PPP1R13L: variants seen among roughly 807,000 people sequenced by gnomAD.
The protein encoded by PPP1R13L is protein phosphatase 1 regulatory subunit 13 like, also known as relA-associated inhibitor.
A neutral mutation model predicts 80.9 loss-of-function variants in PPP1R13L; 50 were observed. That is an observed-to-expected ratio of 0.62 (90% CI 0.49 to 0.78). The LOEUF is 0.78. Ranked by LOEUF, PPP1R13L falls within the 30% of genes least tolerant of loss-of-function variation. The probability of loss-of-function intolerance (pLI) is 0.00; values close to 1 mark genes in which losing one functional copy is unlikely to be tolerated. For synonymous variants in PPP1R13L, 602 were observed against 534.3 expected (o/e 1.13, Z -1.75); for missense variants, 1,200 against 1,205.9 (o/e 1.00, Z 0.07).
chr19:45,385,785 C>T, intron 10 of PPP1R13L, 39 bp downstream of exon 10: 21 of 1,608,808 alleles, frequency 1.3e-5, no homozygotes, highest in Non-Finnish European at 1.8e-5. Context: ...GCGCGTCCGC[C>T]CACGGGGGAC....
At chr19:45,398,459 CCTTTA>C (rs1647787250) in intron 1 of PPP1R13L, 120 bp from the exon 2 acceptor site, 1 of 966,996 alleles carries the variant, frequency 1.0e-6, no homozygotes, top group South Asian at 1.6e-5. Context: ...CCCTGGAAGC[CCTTTA>C]CCCTTTCACC....
At chr19:45,392,684 T>C (rs939177666) in intron 7 of PPP1R13L, 4 of 398,164 alleles carry the variant, frequency 1.0e-5, no homozygotes, top group Non-Finnish European at 1.9e-5. Context: ...CAGTTGGGAC[T>C]TGAACTCAGT....
chr19:45,396,277 T>G lies in PPP1R13L; in HGVS notation c.812-18A>C. ...GTCCAGGCCTGCGGGGCGGGAATCA[T>G]TAGGGTCTGTGGGGCTGCCTCTCCT... On this transcript the variant is annotated intron_variant, in intron 5 of 12. Coordinates refer to ENST00000360957, the MANE Select transcript of PPP1R13L (RefSeq NM_006663.4). This position sits in a 1 kb window ranked among gnomAD's most constrained non-coding sequence, Gnocchi z 5.3. The G allele has an allele frequency of 6.2e-7, 1 of 1,613,102 alleles. No individual in the cohort carries two copies. Among genetic ancestry groups the G allele is most frequent in the Non-Finnish European group, 8.5e-7 (1 of 1,179,880 alleles).
intron 12 of PPP1R13L, among the ~76,000 whole-genome samples, chr19:45,382,124 A>G (rs1972773583): frequency 1.3e-5 from 2 of 151,526 alleles, no homozygotes; most frequent in African/African-American, 4.9e-5. Context: ...GGCGCCTGTA[A>G]TCCCAGGCAG....
At chr19:45,383,454 C>T (rs1972807388) in intron 11 of PPP1R13L, among the ~76,000 whole-genome samples, 1 of 151,776 alleles carries the variant, frequency 6.6e-6, no homozygotes, top group African/African-American at 2.4e-5. Context: ...GCCACCATGC[C>T]TGGCCAATTT....
Position 45,382,619 on chromosome 19 carries a change from T to C in PPP1R13L, c.2356A>G (p.Thr786Ala). 1 of 1,613,736 alleles carries C rather than the reference T, an allele frequency of 6.2e-7. No individual in the cohort carries two copies. The highest frequency in any genetic ancestry group is 8.5e-7 in the Non-Finnish European group (1 of 1,180,024). The stretch of plus-strand genomic sequence containing the variant: ...TCCGGCCCGTCCCTCCGCAGCACGG[T>C]GACCGACTCGCCCTCGCGGAAGGAC... ...ELSFREGESV[T>A]VLRRDGPEET... The change falls in exon 12 of 13, where the codon ACC becomes GCC. Residue 786 changes from threonine to alanine, a missense_variant. Around this residue, in one of 5 missense-constraint regions of PPP1R13L, gnomAD observed 165 missense variants for 177.1 expected, o/e 0.93. Coordinates refer to ENST00000360957, the MANE Select transcript of PPP1R13L (RefSeq NM_006663.4).
intron 8 of PPP1R13L, among the ~76,000 whole-genome samples, chr19:45,387,197 G>C (rs772267752): frequency 4.6e-5 from 7 of 152,036 alleles, no homozygotes; most frequent in Non-Finnish European, 7.4e-5. Flanking sequence ...GAATGGAAGA[G>C]AAGGAGGCTT....
At chr19:45,405,695 G>C (rs1973330307), upstream of PPP1R13L, among the ~76,000 whole-genome samples, 1 of 152,232 alleles carries the variant, frequency 6.6e-6, no homozygotes, top group South Asian at 2.1e-4. Context: ...CCCACCTGGG[G>C]AGAAGGGGTG....
intron 8 of PPP1R13L, among the ~76,000 whole-genome samples, chr19:45,390,738 C>G (rs1267446537): frequency 6.6e-6 from 1 of 152,116 alleles, no homozygotes; most frequent in African/African-American, 2.4e-5. Flanking sequence ...CACGCGCCAC[C>G]GCTCCGGGCT....
intron 1 of PPP1R13L, among the ~76,000 whole-genome samples, chr19:45,401,253 G>T (rs1217683433): frequency 6.6e-6 from 1 of 151,504 alleles, no homozygotes; most frequent in Non-Finnish European, 1.5e-5. Context: ...TACTCGGGAG[G>T]CTGAGGCAGG....
Position 45,395,575 on chromosome 19 carries a change from C to T in PPP1R13L, c.1215G>A (p.Lys405=), listed in dbSNP as rs1973067021. 5 of 1,473,998 alleles carry T rather than the reference C, an allele frequency of 3.4e-6. No individual in the cohort carries two copies. Among genetic ancestry groups the T allele is most frequent in the African/African-American group, 2.8e-5 (2 of 70,932 alleles). 91.3% of individuals were successfully genotyped at this position (1,473,998 alleles called of 1,614,324 possible). A position where few individuals can be genotyped will look rare whatever the true frequency, so the allele number is the denominator to read the frequency against. Reference sequence around the variant, plus strand: ...GCTGTGGTTGTGGTTGGGGCTGCAGCTTAGGCGGGGGTGCTCGGGTGAAGA... The same window carrying T: ...GCTGTGGTTGTGGTTGGGGCTGCAGTTTAGGCGGGGGTGCTCGGGTGAAGA... ...SPLFTRAPPP[K]LQPQPQPQPQ... The change falls in exon 7 of 13, where the codon AAG becomes AAA. Residue 405 remains lysine, a synonymous_variant. Transcript: ENST00000360957.
intron 1 of PPP1R13L, among the ~76,000 whole-genome samples, chr19:45,403,944 C>T (rs997880094): frequency 2.6e-5 from 4 of 152,164 alleles, no homozygotes; most frequent in Admixed American, 6.5e-5. Flanking sequence ...AGCCTCTGTC[C>T]CTCCCTTATC....
At position 45,396,386 on chromosome 19, in the gene PPP1R13L, G is replaced by T; in HGVS notation, c.763C>A (p.Leu255Met). Reference sequence around the variant, plus strand: ...GGCTTCTTCTCGTACGCCACGTCCAGGTCAGACTCGTTCCAGGCTTTCGGA... The same window carrying T: ...GGCTTCTTCTCGTACGCCACGTCCATGTCAGACTCGTTCCAGGCTTTCGGA... ...RPPKAWNESD[L>M]DVAYEKKPSQ... Residue 255 changes from leucine to methionine, a missense_variant, in exon 5 of 13, where the codon CTG (leucine) becomes ATG (methionine). Around this residue, in one of 5 missense-constraint regions of PPP1R13L, gnomAD observed 764 missense variants for 714.5 expected, o/e 1.07. Transcript: ENST00000360957. The surrounding 1 kb of genome is among the most constrained non-coding windows in gnomAD (Gnocchi z 5.3). 6.2e-7 allele frequency: 1 copy of T among 1,614,172 alleles called. No individual in the cohort carries two copies. The highest frequency in any genetic ancestry group is 8.5e-7 in the Non-Finnish European group (1 of 1,180,008).
rs1270457978 is a variant in PPP1R13L at position 45,396,460 on chromosome 19, A to G, written c.713-24T>C. On this transcript the variant is annotated intron_variant, in intron 4 of 12. Transcript: ENST00000360957. This position sits in a 1 kb window ranked among gnomAD's most constrained non-coding sequence, Gnocchi z 5.3. The stretch of plus-strand genomic sequence containing the variant: ...GTCTGGGGAGAAGTTTCCAGGGAGG[A>G]TGAGACGGGAGGGGTGGCGAGCCCC... 1 of 1,613,382 alleles carries G rather than the reference A, an allele frequency of 6.2e-7. No individual in the cohort carries two copies. The highest frequency in any genetic ancestry group is 8.5e-7 in the Non-Finnish European group (1 of 1,179,858).
At chr19:45,393,220 CACAA>C (rs1340128252) in intron 7 of PPP1R13L, 1 of 151,162 alleles carries the variant, frequency 6.6e-6, no homozygotes, top group African/African-American at 2.4e-5. Context: ...CACACACACA[CACAA>C]ACACACACAC....
At chr19:45,402,545 G>C (rs1007164516) in intron 1 of PPP1R13L, among the ~76,000 whole-genome samples, 2 of 152,226 alleles carry the variant, frequency 1.3e-5, no homozygotes, top group Non-Finnish European at 2.9e-5. Context: ...GACTGCGCCT[G>C]AGCTCAGGCC....
At position 45,392,053 on chromosome 19, in the gene PPP1R13L, T is replaced by C. The variant is rs1365810389; in HGVS notation, c.1642A>G (p.Ser548Gly). 2.6e-6 allele frequency: 4 copies of C among 1,542,098 alleles called. No homozygotes were observed. Among genetic ancestry groups the C allele is most frequent in the Non-Finnish European group, 3.5e-6 (4 of 1,147,160 alleles). Residue 548 changes from serine (S) to glycine (G), a missense_variant, in exon 8 of 13, where the codon AGC becomes GGC. By Grantham distance (56) the Ser-to-Gly change is moderately conservative (BLOSUM62 0). Coordinates refer to ENST00000360957, the MANE Select transcript of PPP1R13L (RefSeq NM_006663.4). ...THKKQYQQIISRLFHRHGGPG... is the reference protein window; with the variant it reads ...THKKQYQQIIGRLFHRHGGPG... ...CCCCCATGACGATGGAAGAGGCGGC[T>C]GATGATCTGCTGGTACTGTTTCTTG...
At chr19:45,393,510 T>A (rs375657653) in intron 7 of PPP1R13L, among the ~76,000 whole-genome samples, 1 of 151,688 alleles carries the variant, frequency 6.6e-6, no homozygotes, top group Non-Finnish European at 1.5e-5. Flanking sequence ...GAGAATCGCT[T>A]GAACCTGGGA....
In PPP1R13L at chr19:45,392,028, C is replaced by T; in HGVS notation, c.1667G>A (p.Gly556Glu). ...TGGCTCCGGCCCCCCGGGCCCTGGC[C>T]CCCCATGACGATGGAAGAGGCGGCT... The part of the protein sequence containing the change: ...IISRLFHRHG[G>E]PGPGGPEPEL... Residue 556 changes from glycine (G) to glutamate (E), a missense_variant, in exon 8 of 13, where the codon GGG becomes GAG. Gly to Glu is a moderately conservative substitution (Grantham distance 98, BLOSUM62 -2). This residue lies in a region of PPP1R13L where 214 missense variants were observed against 199.6 expected (regional missense o/e 1.07). Coordinates refer to ENST00000360957, the MANE Select transcript of PPP1R13L (RefSeq NM_006663.4). The T allele has an allele frequency of 6.5e-7, 1 of 1,541,790 alleles. No homozygotes were observed. The highest frequency in any genetic ancestry group is 1.3e-5 in the South Asian group (1 of 79,240).
Sources: allele counts gnomAD v4.1 joint callset (sites outside exome capture counted in the v4.1 genomes callset), GRCh38; gene constraint gnomAD v4.1.1; regional missense constraint gnomAD v4.1.1; non-coding constraint Gnocchi (gnomAD v3.1); transcripts MANE v1.5; gene names NCBI Gene and HGNC (gene_info 2026-07-23, HGNC 2026-07-21).